Variants in AMBP observed in about 807,000 individuals in gnomAD.
AMBP encodes the protein alpha-1-microglobulin/bikunin precursor.
AMBP carries 37 observed loss-of-function variants against 46.3 expected under a neutral mutation model. That is an observed-to-expected ratio of 0.80 (90% CI 0.61 to 1.05). AMBP has a LOEUF of 1.05. AMBP is among the 50% of genes least tolerant of loss of function. The pLI is 0.00. For synonymous variants in AMBP, 174 were observed against 175.9 expected, an observed-to-expected ratio of 0.99 and a Z score of 0.09; for missense variants, 475 against 461.2, an observed-to-expected ratio of 1.03 and a Z score of -0.27.
chr9:114,060,454 G>GA (rs1846622767), intron 9 of AMBP, among the ~76,000 whole-genome samples, 184 bp from the exon 10 acceptor site: 1 of 152,260 alleles, frequency 6.6e-6, no homozygotes, highest in South Asian at 2.1e-4. Context: ...TTTCCAGTGG[G>GA]AAAATCAAGG....
intron 1 of AMBP, among the ~76,000 whole-genome samples, chr9:114,077,218 C>T (rs895155971): frequency 6.6e-5 from 10 of 152,202 alleles, no homozygotes; most frequent in East Asian, 1.9e-4. Context: ...TGAAAGTGCA[C>T]GGGACAGCTG....
intron 7 of AMBP, among the ~76,000 whole-genome samples, 164 bp downstream of exon 7, chr9:114,062,513 C>T (rs867942535): frequency 2.6e-5 from 4 of 152,346 alleles, no homozygotes; most frequent in Non-Finnish European, 4.4e-5. Context: ...GCCCCCACAA[C>T]CCCTGGCAGA....
At chr9:114,067,177 G>A (rs185537587) in intron 6 of AMBP, among the ~76,000 whole-genome samples, 74 of 152,208 alleles carry the variant, frequency 4.9e-4, no homozygotes, top group Non-Finnish European at 7.1e-4. Context: ...CTGACCTCTT[G>A]ATCTGCCCGC....
At chr9:114,069,054 T>TTA (rs994582525) in intron 6 of AMBP, among the ~76,000 whole-genome samples, 3 of 151,698 alleles carry the variant, frequency 2.0e-5, no homozygotes, top group Admixed American at 6.6e-5. Flanking sequence ...TCACATATAT[T>TTA]TATATATATA....
At chr9:114,073,250 C>T (rs10982056) in intron 4 of AMBP, among the ~76,000 whole-genome samples, 45,463 of 145,846 alleles carry the variant, frequency 0.31, 7,154 homozygotes, top group East Asian at 0.45. Flanking sequence ...GACTCTTCCC[C>T]TTTTTTTTTT....
intron 6 of AMBP, among the ~76,000 whole-genome samples, chr9:114,067,871 C>T (rs1249071756): frequency 6.6e-6 from 1 of 152,066 alleles, no homozygotes; most frequent in African/African-American, 2.4e-5. Context: ...CACCCATGAA[C>T]CCTCCTCAAA....
At chr9:114,073,994 C>CA in intron 4 of AMBP, 42 bp downstream of exon 4, 4 of 1,580,528 alleles carry the variant, frequency 2.5e-6, no homozygotes, top group Non-Finnish European at 3.5e-6. Context: ...AATGTCCTCC[C>CA]ACCCTTAACT....
chr9:114,060,277 A>C lies in AMBP; in HGVS notation c.1028-7T>G. 1 of 1,613,116 alleles carries C rather than the reference A, an allele frequency of 6.2e-7. No individual in the cohort carries two copies. Among genetic ancestry groups the C allele is most frequent in the South Asian group, 1.1e-5 (1 of 90,632 alleles). ...CGCAGCAGCTCCTCATCACCTGTGG[A>C]CACAGAGAGACTCAGGGAGGGGTCC... is the stretch of plus-strand genomic sequence containing the variant. On this transcript the variant is annotated splice_polypyrimidine_tract_variant and splice_region_variant and intron_variant, in intron 9 of 9. Transcript: ENST00000265132.
chr9:114,066,917 T>A (rs557644665), intron 6 of AMBP, among the ~76,000 whole-genome samples: 1 of 152,236 alleles, frequency 6.6e-6, no homozygotes, highest in South Asian at 2.1e-4. Context: ...AAAGAGAACA[T>A]TGAATTCCAG....
At chr9:114,070,254 C>T (rs1028549005) in intron 5 of AMBP, among the ~76,000 whole-genome samples, 7 of 152,290 alleles carry the variant, frequency 4.6e-5, no homozygotes, top group East Asian at 1.9e-4. Context: ...TGGGGAGGCA[C>T]GAGCACTGGT....
chr9:114,065,430 A>AC (rs1205892316), intron 6 of AMBP, among the ~76,000 whole-genome samples: 5 of 152,204 alleles, frequency 3.3e-5, no homozygotes, highest in African/African-American at 4.8e-5. Context: ...CATGGGAGAG[A>AC]CACGGCACAG....
At chr9:114,075,148 TTGTG>T (rs1178271640) in intron 2 of AMBP, 112 bp from the exon 3 acceptor site, 1 of 759,890 alleles carries the variant, frequency 1.3e-6, no homozygotes, top group Admixed American at 2.8e-5. Flanking sequence ...GTTTTTTTGT[TTGTG>T]TGTTTTTGTT....
rs111633260 is a variant in AMBP at position 114,076,596 on chromosome 9, A to T, written c.260+2T>A. 1.2e-6 allele frequency: 2 copies of T among 1,613,272 alleles called. No homozygotes were observed. The highest frequency in any genetic ancestry group is 1.7e-6 in the Non-Finnish European group (2 of 1,179,842). The stretch of plus-strand genomic sequence containing the variant: ...GCTTTCCAGCCCCACCCTAGTGCTC[A>T]CCGCCAACGAGTGCTGGTCATGCTG... On this transcript the variant is annotated splice_donor_variant, in intron 2 of 9. Coordinates refer to ENST00000265132, the MANE Select transcript of AMBP (RefSeq NM_001633.4). LOFTEE classifies it high-confidence loss of function.
At position 114,066,788 on chromosome 9, in the gene AMBP, C is replaced by T. The variant is rs1163069489; in HGVS notation, c.603+2911G>A. 3.9e-5 allele frequency among the ~76,000 whole-genome samples: 6 copies of T among 152,170 alleles called. No homozygotes were observed. The East Asian group carries it at 1.2e-3, about 29-fold the overall frequency. ...AATAGATGTGGAAGGCAAAGATGCT[C>T]CTGGATGAGAGAACAAGTGTTCCCG... On this transcript the variant is annotated intron_variant, in intron 6 of 9. Transcript: ENST00000265132.
At position 114,073,920 on chromosome 9, in the gene AMBP, T is replaced by C. The variant is rs563391350; in HGVS notation, c.454+116A>G. The C allele has an allele frequency of 5.3e-5, 48 of 904,180 alleles. No individual in the cohort carries two copies. In the African/African-American group the frequency reaches 6.9e-4, roughly 13 times the overall value. The allele number at this position is 904,180 out of a possible 1,614,324, so 56.0% of individuals were successfully genotyped here. A position where few individuals can be genotyped will look rare whatever the true frequency, so the allele number is the denominator to read the frequency against. ...TCAGTGATTGTACCTTTCTCCAAAT[T>C]GGAGTTTTGTCAGAAGGAAAAAGCA... On this transcript the variant is annotated intron_variant, in intron 4 of 9. Coordinates refer to ENST00000265132, the MANE Select transcript of AMBP (RefSeq NM_001633.4).
intron 6 of AMBP, among the ~76,000 whole-genome samples, chr9:114,066,630 C>T (rs1333331735): frequency 2.0e-5 from 3 of 152,046 alleles, no homozygotes; most frequent in Non-Finnish European, 4.4e-5. Flanking sequence ...TAGCAAGGAA[C>T]AGAATGAAAT....
chr9:114,069,783 A>G, intron 5 of AMBP, 38 bp from the exon 6 acceptor site: 1 of 1,611,216 alleles, frequency 6.2e-7, no homozygotes, highest in Non-Finnish European at 8.5e-7. Context: ...GAATAACAGG[A>G]CCAGGCCCAG....
chr9:114,060,280 C>G lies in AMBP; in HGVS notation c.1028-10G>C, dbSNP rs1554773327. 3.1e-6 allele frequency: 5 copies of G among 1,612,866 alleles called. No homozygotes were observed. The highest frequency in any genetic ancestry group is 4.2e-6 in the Non-Finnish European group (5 of 1,179,620). ...AGCAGCTCCTCATCACCTGTGGACACAGAGAGACTCAGGGAGGGGTCCGTA... is the reference window on the plus strand; with the variant it reads ...AGCAGCTCCTCATCACCTGTGGACAGAGAGAGACTCAGGGAGGGGTCCGTA... On this transcript the variant is annotated splice_polypyrimidine_tract_variant and intron_variant, in intron 9 of 9. Transcript: ENST00000265132.
At chr9:114,062,644 G>A (rs1456439971) in intron 7 of AMBP, 33 bp downstream of exon 7, 2 of 1,606,748 alleles carry the variant, frequency 1.2e-6, no homozygotes, top group Admixed American at 3.3e-5. Flanking sequence ...TCTGGAGTAT[G>A]GCAGAGGGGG....
Sources: gnomAD v4.1 joint callset for allele counts (sites outside exome capture counted in the v4.1 genomes callset) on GRCh38, gnomAD v4.1.1 for gene constraint, MANE v1.5 for transcripts, NCBI Gene and HGNC (gene_info 2026-07-23, HGNC 2026-07-21) for gene names.